SYNE1: variants seen among roughly 807,000 people sequenced by gnomAD.
SYNE1 encodes nesprin-1.
A neutral mutation model predicts 1,111.0 loss-of-function variants in SYNE1; 616 were observed. The ratio of observed to expected loss-of-function variants is 0.55; its 90% CI spans 0.52 to 0.59. SYNE1 has a LOEUF of 0.59. SYNE1 is among the 20% of genes least tolerant of loss of function. SYNE1 has a pLI of 0.00. For missense variants in SYNE1, 10,006 were observed against 10,417.0 expected (o/e 0.96, Z 1.72); for synonymous variants, 3,855 against 3,825.8 (o/e 1.01, Z -0.28).
At chr6:152,310,272 T>C (rs906097586) in intron 89 of SYNE1, 124 bp downstream of exon 89, 49 of 1,401,278 alleles carry the variant, frequency 3.5e-5, no homozygotes, top group Non-Finnish European at 4.3e-5. Flanking sequence ...GGATACCCTG[T>C]CTCTATTTAA....
chr6:152,562,744 A>G (rs576172179), intron 3 of SYNE1, among the ~76,000 whole-genome samples: 1 of 152,342 alleles, frequency 6.6e-6, no homozygotes, highest in South Asian at 2.1e-4. Context: ...TGGCACATGT[A>G]TACCTATGTA....
chr6:152,209,644 G>A (rs2077157803), intron 124 of SYNE1, among the ~76,000 whole-genome samples: 1 of 151,938 alleles, frequency 6.6e-6, no homozygotes, highest in Admixed American at 6.6e-5. Context: ...CAGCTACTTG[G>A]GAGGCTGAGA....
intron 115 of SYNE1, among the ~76,000 whole-genome samples, chr6:152,228,271 G>T (rs901409463): frequency 6.6e-6 from 1 of 152,174 alleles, no homozygotes; most frequent in African/African-American, 2.4e-5. Context: ...TTGTTTCAAA[G>T]ATATGACTTT....
intron 8 of SYNE1, among the ~76,000 whole-genome samples, chr6:152,505,851 T>C (rs2099055400): frequency 6.6e-6 from 1 of 152,140 alleles, no homozygotes; most frequent in Non-Finnish European, 1.5e-5. Flanking sequence ...AGCTAACACG[T>C]TTCTAATGGG....
Position 152,133,629 on chromosome 6 carries a change from C to T in SYNE1, c.25789-141G>A, listed in dbSNP as rs957531283. Reference sequence around the variant, plus strand: ...CGTGGAGCTCACACACTAAAGGATGCAGCAGCTCACGGCCTGAGTTCTAAT... The same window carrying T: ...CGTGGAGCTCACACACTAAAGGATGTAGCAGCTCACGGCCTGAGTTCTAAT... On this transcript the variant is annotated intron_variant, in intron 142 of 145. Coordinates refer to ENST00000367255, the MANE Select transcript of SYNE1 (RefSeq NM_182961.4). 53 of 816,846 alleles carry T rather than the reference C, an allele frequency of 6.5e-5. No homozygotes were observed. In the Admixed American group the frequency reaches 1.1e-3, roughly 17 times the overall value. 50.6% of individuals were successfully genotyped at this position (816,846 alleles called of 1,614,324 possible).
rs2098419264 is a variant in SYNE1 at position 152,430,523 on chromosome 6, G to A, written c.4648C>T (p.His1550Tyr). 1 of 1,614,034 alleles carries A rather than the reference G, an allele frequency of 6.2e-7. No homozygotes were observed. The highest frequency in any genetic ancestry group is 8.5e-7 in the Non-Finnish European group (1 of 1,179,964). Residue 1550 changes from histidine (H) to tyrosine (Y), a missense_variant, in exon 35 of 146, where the codon CAT becomes TAT. Transcript: ENST00000367255. ...AQCLEGTILGHLSQQQKFEEN... is the reference protein window; with the variant it reads ...AQCLEGTILGYLSQQQKFEEN... ...TCAAACTTTTGCTGCTGAGATAAAT[G>A]TCCCAGGATTGTTCCTTCCAGACAC...
At chr6:152,377,640 A>AT (rs1346257994) in intron 56 of SYNE1, among the ~76,000 whole-genome samples, 1 of 33,830 alleles carries the variant, frequency 3.0e-5, no homozygotes, top group Non-Finnish European at 4.8e-5. Context: ...AAAAAAAAAA[A>AT]ATATATATAT....
chr6:152,237,100 T>C (rs1484577693), intron 108 of SYNE1, 152 bp from the exon 109 acceptor site: 1 of 1,060,576 alleles, frequency 9.4e-7, no homozygotes, highest in African/African-American at 1.6e-5. Flanking sequence ...AAAAGATGGC[T>C]TTAAAGCAAG....
At chr6:152,618,981 C>T (rs575674686) in intron 3 of SYNE1, among the ~76,000 whole-genome samples, 6 of 152,006 alleles carry the variant, frequency 3.9e-5, no homozygotes, top group African/African-American at 1.2e-4. Context: ...TTATGATTAA[C>T]AATTGCTTAA....
At chr6:152,490,949 A>G (rs1231373303) in intron 11 of SYNE1, among the ~76,000 whole-genome samples, 2 of 152,144 alleles carry the variant, frequency 1.3e-5, no homozygotes, top group Non-Finnish European at 2.9e-5. Context: ...TGTCCTTCCA[A>G]TTCCAGTTCT....
In SYNE1 at chr6:152,458,924, C is replaced by T; in HGVS notation, c.2401G>A (p.Glu801Lys). ...TCATAAAGGAGTGGGGAGTAACATT[C>T]TTTGACCTTTAAAAACATAAAGACA... The part of the protein sequence containing the change: ...KLKEQLTKVK[E>K]CYSPLLYESQ... Residue 801 changes from glutamate to lysine, a missense_variant, in exon 22 of 146, where the codon GAA becomes AAA. Physicochemically the swap from Glu to Lys is moderately conservative, Grantham distance 56. This residue lies in a region of SYNE1 where 1,971 missense variants were observed against 2,084.1 expected (regional missense o/e 0.95). Transcript: ENST00000367255. 6.2e-7 allele frequency: 1 copy of T among 1,613,944 alleles called. No homozygotes were observed.
At chr6:152,288,104 A>C (rs1296149927) in intron 95 of SYNE1, among the ~76,000 whole-genome samples, 1 of 149,346 alleles carries the variant, frequency 6.7e-6, no homozygotes, top group Admixed American at 6.7e-5. Context: ...CTCCATAATT[A>C]GATGGATCTT....
intron 130 of SYNE1, among the ~76,000 whole-genome samples, chr6:152,169,553 C>T (rs1439921234): frequency 2.7e-5 from 3 of 110,680 alleles, no homozygotes; most frequent in Admixed American, 1.0e-4. Flanking sequence ...CAGAGCGAGA[C>T]TCCATCTCAA....
intron 103 of SYNE1, 26 bp downstream of exon 103, chr6:152,255,565 A>G (rs970813754): frequency 2.2e-5 from 36 of 1,613,308 alleles, no homozygotes; most frequent in Non-Finnish European, 2.8e-5. Context: ...TGTTATACAC[A>G]CACAGGCAGG....
intron 86 of SYNE1, 84 bp downstream of exon 86, chr6:152,317,997 A>T: frequency 6.5e-7 from 1 of 1,538,358 alleles, no homozygotes; most frequent in Non-Finnish European, 9.0e-7. Flanking sequence ...CTTTTTATTT[A>T]TGTTAATTTA....
At chr6:152,626,853 T>C (rs1053669758) in intron 3 of SYNE1, among the ~76,000 whole-genome samples, 1 of 152,226 alleles carries the variant, frequency 6.6e-6, no homozygotes, top group Non-Finnish European at 1.5e-5. Flanking sequence ...GAGCATGTTC[T>C]GGGTCATGAA....
Position 152,256,707 on chromosome 6 carries a change from G to C in SYNE1, c.19031C>G (p.Pro6344Arg). 1.2e-6 allele frequency: 2 copies of C among 1,614,082 alleles called. No homozygotes were observed. Among genetic ancestry groups the C allele is most frequent in the Non-Finnish European group, 1.7e-6 (2 of 1,179,976 alleles). ...TGTAACTGCAGATTTATCTTGGGTT[G>C]GCACGTCCCCTTTGTACAGTGGCAC... The part of the protein sequence containing the change: ...SGVPLYKGDV[P>R]TQDKSAVTSL... Residue 6344 changes from proline (P) to arginine (R), a missense_variant, in exon 102 of 146, where the codon CCA becomes CGA. By Grantham distance (103) the Pro-to-Arg change is moderately radical (BLOSUM62 -2). Transcript: ENST00000367255.
At chr6:152,369,421 G>A (rs1362389605) in intron 60 of SYNE1, 50 bp downstream of exon 60, 14 of 1,613,556 alleles carry the variant, frequency 8.7e-6, no homozygotes, top group Non-Finnish European at 1.1e-5. Flanking sequence ...GTCGACAGAG[G>A]ACGGACAAAG....
In SYNE1 at chr6:152,148,278, A is replaced by G; in HGVS notation, c.24743T>C (p.Leu8248Pro). Reference sequence around the variant, plus strand: ...ATTGGAGGAAGGCTGTGGAGAAAGCAGGCTGTCTGCAGAGCGGTCGTGCCA... The same window carrying G: ...ATTGGAGGAAGGCTGTGGAGAAAGCGGGCTGTCTGCAGAGCGGTCGTGCCA... ...LHWHDRSADS[L>P]LSPQPSSNLS... Residue 8248 changes from leucine (L) to proline (P), a missense_variant, in exon 137 of 146, where the codon CTG becomes CCG. Coordinates refer to ENST00000367255, the MANE Select transcript of SYNE1 (RefSeq NM_182961.4). The surrounding 1 kb of genome is among the most constrained non-coding windows in gnomAD (Gnocchi z 4.1). 6.2e-7 allele frequency: 1 copy of G among 1,613,600 alleles called. No individual in the cohort carries two copies. The highest frequency in any genetic ancestry group is 8.5e-7 in the Non-Finnish European group (1 of 1,179,616).
Sources: gnomAD v4.1 joint callset for allele counts (sites outside exome capture counted in the v4.1 genomes callset) on GRCh38, gnomAD v4.1.1 for gene constraint, gnomAD v4.1.1 regional missense constraint, Gnocchi (gnomAD v3.1) non-coding constraint, MANE v1.5 for transcripts, NCBI Gene and HGNC (gene_info 2026-07-23, HGNC 2026-07-21) for gene names.